Variants in GPC6 observed in about 807,000 individuals in gnomAD.
GPC6 encodes the protein glypican 6.
A neutral mutation model predicts 55.2 loss-of-function variants in GPC6; 14 were observed. That is an observed-to-expected ratio of 0.25 (90% CI 0.17 to 0.40). GPC6 has a LOEUF of 0.40. Among genes scored for constraint, GPC6 ranks in the 10% least tolerant of loss-of-function variants. The probability of loss-of-function intolerance (pLI) is 1.00; values close to 1 mark genes in which losing one functional copy is unlikely to be tolerated. For synonymous variants in GPC6, 278 were observed against 259.6 expected (o/e 1.07, Z -0.68); for missense variants, 641 against 708.5 (o/e 0.90, Z 1.08).
chr13:94,245,243 AT>A (rs1891162759), intron 4 of GPC6, among the ~76,000 whole-genome samples: 1 of 151,696 alleles, frequency 6.6e-6, no homozygotes, highest in East Asian at 1.9e-4. Context: ...TCATTTATTT[AT>A]TTTTTAGATG....
intron 4 of GPC6, among the ~76,000 whole-genome samples, chr13:94,127,270 C>CT (rs1886851343): frequency 6.6e-6 from 1 of 152,088 alleles, no homozygotes. Flanking sequence ...ATCCCCAATG[C>CT]TGGAGGTGGG....
At chr13:93,261,136 A>T (rs1877131417) in intron 1 of GPC6, among the ~76,000 whole-genome samples, 1 of 152,080 alleles carries the variant, frequency 6.6e-6, no homozygotes, top group South Asian at 2.1e-4. Context: ...GCCTGTATTG[A>T]TTATTGACCA....
At chr13:93,257,870 C>A (rs7991253) in intron 1 of GPC6, among the ~76,000 whole-genome samples, 1 of 152,058 alleles carries the variant, frequency 6.6e-6, no homozygotes, top group Non-Finnish European at 1.5e-5. Flanking sequence ...AGCTACATAC[C>A]CTGTAATGCA....
intron 2 of GPC6, among the ~76,000 whole-genome samples, chr13:93,672,676 C>T (rs1258989619): frequency 6.7e-6 from 1 of 149,440 alleles, no homozygotes; most frequent in African/African-American, 2.5e-5. Flanking sequence ...TATACACACA[C>T]AAACATATAT....
chr13:93,274,540 T>C (rs892850418), intron 1 of GPC6, among the ~76,000 whole-genome samples: 3 of 152,216 alleles, frequency 2.0e-5, no homozygotes, highest in Non-Finnish European at 4.4e-5. Context: ...TATTTATATA[T>C]TACATGGTTA....
chr13:93,312,224 G>A (rs1879096149), intron 1 of GPC6, among the ~76,000 whole-genome samples: 1 of 151,924 alleles, frequency 6.6e-6, no homozygotes, highest in African/African-American at 2.4e-5. Flanking sequence ...ATTGATTTGT[G>A]TTACTGCTTT....
intron 4 of GPC6, among the ~76,000 whole-genome samples, chr13:94,264,319 C>T (rs912205793): frequency 6.6e-6 from 1 of 152,096 alleles, no homozygotes; most frequent in Non-Finnish European, 1.5e-5. Context: ...CTGCATGCAG[C>T]CTGTGCTAAG....
intron 6 of GPC6, among the ~76,000 whole-genome samples, chr13:94,357,002 C>T (rs1878830720): frequency 1.3e-5 from 2 of 152,150 alleles, no homozygotes; most frequent in African/African-American, 4.8e-5. Flanking sequence ...GAACAAGACA[C>T]CACTCGTCTG....
intron 2 of GPC6, among the ~76,000 whole-genome samples, chr13:93,657,042 A>T (rs983459902): frequency 6.6e-6 from 1 of 152,124 alleles, no homozygotes. Flanking sequence ...CAATGTACAG[A>T]TTCAATGTTA....
At chr13:93,526,146 C>T (rs1364951657) in intron 1 of GPC6, among the ~76,000 whole-genome samples, 3 of 151,944 alleles carry the variant, frequency 2.0e-5, no homozygotes, top group Non-Finnish European at 2.9e-5. Flanking sequence ...ATTCTGTTTG[C>T]GATGAAATGA....
chr13:93,557,082 G>A (rs1032017644), intron 2 of GPC6, among the ~76,000 whole-genome samples: 1 of 152,106 alleles, frequency 6.6e-6, no homozygotes, highest in African/African-American at 2.4e-5. Context: ...AGGATGTAAT[G>A]TAAAATTATT....
intron 3 of GPC6, among the ~76,000 whole-genome samples, chr13:93,875,318 C>G (rs1889256297): frequency 6.6e-6 from 1 of 152,046 alleles, no homozygotes; most frequent in Admixed American, 6.6e-5. Context: ...TTTAAGATGA[C>G]TCTTCTCGGA....
At chr13:93,846,095 C>T (rs982885855) in intron 3 of GPC6, among the ~76,000 whole-genome samples, 1 of 152,066 alleles carries the variant, frequency 6.6e-6, no homozygotes, top group African/African-American at 2.4e-5. Flanking sequence ...TTAATGCCCT[C>T]AAAAACATCC....
At chr13:94,233,030 TGGAACTGACTTG>T (rs1890779846) in intron 4 of GPC6, among the ~76,000 whole-genome samples, 2 of 130,872 alleles carry the variant, frequency 1.5e-5, no homozygotes, top group Non-Finnish European at 3.1e-5. Context: ...CCAGGAAACA[TGGAACTGACTTG>T]CACGGGAGGT....
At chr13:93,298,068 G>T (rs1878554484) in intron 1 of GPC6, among the ~76,000 whole-genome samples, 1 of 152,218 alleles carries the variant, frequency 6.6e-6, no homozygotes. Flanking sequence ...TGATTTTCCA[G>T]AGTCACACAT....
rs73544083 is a variant in GPC6, at chr13:94,076,286, T to C, written c.877+48392T>C. Among the ~76,000 whole-genome samples the C allele has an allele frequency of 8.5e-3, 1,288 of 152,184 alleles. 15 individuals are homozygous for C. Among genetic ancestry groups the C allele is most frequent in the African/African-American group, 0.029 (1,195 of 41,562 alleles). On this transcript the variant is annotated intron_variant, in intron 4 of 8. Coordinates refer to ENST00000377047, the MANE Select transcript of GPC6 (RefSeq NM_005708.5). ...TTCTTTGGAGAAATGTCCATTAATGTCCTTTGCCCATTTTTAAATAAGGTT... is the reference window on the plus strand; with the variant it reads ...TTCTTTGGAGAAATGTCCATTAATGCCCTTTGCCCATTTTTAAATAAGGTT...
At chr13:94,025,623 G>T (rs1882867962) in intron 3 of GPC6, 1 of 152,070 alleles carries the variant, frequency 6.6e-6, no homozygotes, top group Non-Finnish European at 1.5e-5. Flanking sequence ...CTACAAAATA[G>T]CCTGTCTGGA....
chr13:94,160,365 A>T (rs1888115043), intron 4 of GPC6, among the ~76,000 whole-genome samples: 1 of 152,242 alleles, frequency 6.6e-6, no homozygotes. Context: ...TACTATATGT[A>T]TCTTATGGTC....
intron 3 of GPC6, among the ~76,000 whole-genome samples, chr13:93,860,649 C>T (rs1222345613): frequency 6.6e-5 from 10 of 151,528 alleles, no homozygotes; most frequent in Admixed American, 6.6e-4. Context: ...CTTATGTTTG[C>T]CTTACAATTT....
Sources: allele counts gnomAD v4.1 joint callset (sites outside exome capture counted in the v4.1 genomes callset), GRCh38; gene constraint gnomAD v4.1.1; transcripts MANE v1.5; gene names NCBI Gene and HGNC (gene_info 2026-07-23, HGNC 2026-07-21).